ARHGAP35: variants seen among roughly 807,000 people sequenced by gnomAD.
ARHGAP35 encodes rho GTPase-activating protein 35.
A neutral mutation model predicts 111.1 loss-of-function variants in ARHGAP35; 15 were observed. That is an observed-to-expected ratio of 0.13 (90% CI 0.09 to 0.21). The LOEUF (loss-of-function observed/expected upper bound fraction) is 0.21. Ranked by LOEUF, ARHGAP35 falls within the 10% of genes least tolerant of loss-of-function variation. The pLI, the probability that ARHGAP35 is intolerant of heterozygous loss-of-function variation, is 1.00. For missense variants in ARHGAP35, 1,262 were observed against 1,873.0 expected (o/e 0.67, Z 6.02); for synonymous variants, 643 against 710.3 (o/e 0.91, Z 1.51).
At chr19:46,861,343 G>C (rs866200383) in intron 1 of ARHGAP35, among the ~76,000 whole-genome samples, 134 bp downstream of exon 1, 3,402 of 138,376 alleles carry the variant, frequency 0.025, 133 homozygotes, top group African/African-American at 0.084. Flanking sequence ...GGGAGGAGCG[G>C]CCCCCCCCCC....
chr19:46,909,966 T>C (rs923146685), intron 1 of ARHGAP35, among the ~76,000 whole-genome samples: 1 of 152,040 alleles, frequency 6.6e-6, no homozygotes, highest in Admixed American at 6.6e-5. Flanking sequence ...TATTTTAATT[T>C]GCATTGGACT....
chr19:46,901,155 A>G lies in ARHGAP35; in HGVS notation c.-188-17333A>G, dbSNP rs1438434471. On this transcript the variant is annotated intron_variant, in intron 1 of 6. Coordinates refer to ENST00000672722, the MANE Select transcript of ARHGAP35 (RefSeq NM_004491.5). The surrounding 1 kb of genome is among the most constrained non-coding windows in gnomAD (Gnocchi z 4.5). ...TGAATGATTGAATGGGCGAATGAGA[A>G]TAAATAAATGAGGGCATCCAGGGAA... 1.3e-5 allele frequency among the ~76,000 whole-genome samples: 2 copies of G among 152,248 alleles called. No individual in the cohort carries two copies. Among genetic ancestry groups the G allele is most frequent in the Admixed American group, 1.3e-4 (2 of 15,284 alleles).
At chr19:46,976,237 A>G (rs2056579226) in intron 3 of ARHGAP35, among the ~76,000 whole-genome samples, 1 of 108,940 alleles carries the variant, frequency 9.2e-6, no homozygotes, top group Non-Finnish European at 1.8e-5. Flanking sequence ...TTTTGCTACC[A>G]TTCCTCACCA....
chr19:46,998,186 A>G lies in ARHGAP35; in HGVS notation c.4037-1118A>G, dbSNP rs1034250198. Among the ~76,000 whole-genome samples, 5 of 152,104 alleles carry G rather than the reference A, an allele frequency of 3.3e-5. No homozygotes were observed. In the East Asian group the frequency reaches 9.6e-4, roughly 29 times the overall value. On this transcript the variant is annotated intron_variant, in intron 5 of 6. Transcript: ENST00000672722. Reference sequence around the variant, plus strand: ...CGGATTCATCAGCAGAATGGCACACATATGTCTCCGGCCGAGACGGTCTGG... The same window carrying G: ...CGGATTCATCAGCAGAATGGCACACGTATGTCTCCGGCCGAGACGGTCTGG...
chr19:46,887,953 C>CT lies in ARHGAP35; in HGVS notation c.-189+26758dup, dbSNP rs775973443. ...ATTGTGCTGGTACTTAGTACTTTGC[C>CT]TTTTTTTTTTTTTTCTGAGACGGAG... On this transcript the variant is annotated intron_variant, in intron 1 of 6. Transcript: ENST00000672722. 1.5e-3 allele frequency among the ~76,000 whole-genome samples: 202 copies of CT among 137,810 alleles called. 1 individual carries two copies. Among genetic ancestry groups the CT allele is most frequent in the African/African-American group, 2.9e-3 (111 of 37,946 alleles). 90.4% of individuals were successfully genotyped at this position (137,810 alleles called of 152,430 possible).
chr19:46,984,465 G>A (rs1436433642), intron 3 of ARHGAP35, among the ~76,000 whole-genome samples: 2 of 152,152 alleles, frequency 1.3e-5, no homozygotes, highest in Admixed American at 1.3e-4. Context: ...CCAGCGTCCT[G>A]TTTCTCACCT....
At position 46,920,253 on chromosome 19, in the gene ARHGAP35, G is replaced by A. The variant is rs1205339290; in HGVS notation, c.1578G>A (p.Glu526=). 2 of 1,613,988 alleles carry A rather than the reference G, an allele frequency of 1.2e-6. No homozygotes were observed. The highest frequency in any genetic ancestry group is 3.3e-4 in the Middle Eastern group (2 of 6,062). The part of the protein sequence containing the change: ...KMGVIQDVLG[E]EQRFKALQKL... ...GTGTTATTCAGGATGTTCTGGGAGAGGAACAGCGATTTAAAGCATTACAAA... is the reference window on the plus strand; with the variant it reads ...GTGTTATTCAGGATGTTCTGGGAGAAGAACAGCGATTTAAAGCATTACAAA... Residue 526 remains glutamate (E), a synonymous_variant, in exon 2 of 7, where the codon GAG becomes GAA. Coordinates refer to ENST00000672722, the MANE Select transcript of ARHGAP35 (RefSeq NM_004491.5). This position sits in a 1 kb window ranked among gnomAD's most constrained non-coding sequence, Gnocchi z 7.0.
intron 3 of ARHGAP35, among the ~76,000 whole-genome samples, chr19:46,938,893 G>A (rs1416372276): frequency 3.9e-5 from 6 of 152,092 alleles, no homozygotes; most frequent in Admixed American, 2.6e-4. Context: ...CTGACCTCGT[G>A]ATCCGCCCAC....
intron 1 of ARHGAP35, among the ~76,000 whole-genome samples, chr19:46,868,893 A>ATTTTTTTTTTTTTTTT (rs59080309): frequency 1.7e-5 from 1 of 58,668 alleles, no homozygotes; most frequent in Non-Finnish European, 3.0e-5. Flanking sequence ...GCTCACCGTG[A>ATTTTTTTTTTTTTTTT]TTTTTTTTTT....
intron 1 of ARHGAP35, among the ~76,000 whole-genome samples, chr19:46,871,213 CTTTG>C (rs966877541): frequency 6.6e-6 from 1 of 152,144 alleles, no homozygotes; most frequent in African/African-American, 2.4e-5. Context: ...TTATTTTGAT[CTTTG>C]TTTGCTGGAA....
intron 3 of ARHGAP35, among the ~76,000 whole-genome samples, chr19:46,940,398 C>T (rs943231760): frequency 7.3e-5 from 11 of 150,526 alleles, no homozygotes; most frequent in East Asian, 5.8e-4. Flanking sequence ...CATGGTGGCA[C>T]GCACCTGTAG....
rs2056202565 is a variant in ARHGAP35 at position 46,921,781 on chromosome 19, A to G, written c.3106A>G (p.Lys1036Glu). ...MSNFESKLNN[K>E]VPPPVKPKPP... ...CAATTTTGAGAGTAAACTGAACAAC[A>G]AAGTACCTCCGCCAGTCAAACCAAA... The change falls in exon 2 of 7, where the codon AAA becomes GAA. Residue 1036 changes from lysine to glutamate, a missense_variant. Transcript: ENST00000672722. The surrounding 1 kb of genome is among the most constrained non-coding windows in gnomAD (Gnocchi z 4.3). 6.2e-7 allele frequency: 1 copy of G among 1,614,018 alleles called. No homozygotes were observed. Among genetic ancestry groups the G allele is most frequent in the Non-Finnish European group, 8.5e-7 (1 of 1,179,896 alleles).
intron 1 of ARHGAP35, among the ~76,000 whole-genome samples, chr19:46,905,564 C>CA (rs1358454399): frequency 6.7e-6 from 1 of 148,258 alleles, no homozygotes; most frequent in South Asian, 2.2e-4. Context: ...CACCCCCCCC[C>CA]CCCAAGACAG....
chr19:46,870,965 C>G (rs1450513286), intron 1 of ARHGAP35, among the ~76,000 whole-genome samples: 1 of 152,104 alleles, frequency 6.6e-6, no homozygotes, highest in Non-Finnish European at 1.5e-5. Context: ...ATTCCCTTTT[C>G]TACATAGTTC....
chr19:46,862,200 G>T (rs1311710956), intron 1 of ARHGAP35, among the ~76,000 whole-genome samples: 9 of 151,964 alleles, frequency 5.9e-5, no homozygotes, highest in African/African-American at 2.2e-4. Flanking sequence ...CCGGGAAGCA[G>T]CCTCCTCCCC....
intron 1 of ARHGAP35, among the ~76,000 whole-genome samples, chr19:46,884,520 C>A (rs998730183): frequency 1.8e-5 from 2 of 111,846 alleles, no homozygotes; most frequent in African/African-American, 7.0e-5. Flanking sequence ...TTTTTTTCCC[C>A]TTTTGAGATA....
intron 3 of ARHGAP35, chr19:46,946,430 G>A (rs1405143398): frequency 6.6e-6 from 1 of 152,276 alleles, no homozygotes; most frequent in African/African-American, 2.4e-5. Context: ...AAAACCTTGA[G>A]AGGAGTCCTG....
chr19:46,892,525 C>T (rs1312912259), intron 1 of ARHGAP35, among the ~76,000 whole-genome samples: 4 of 149,840 alleles, frequency 2.7e-5, no homozygotes, highest in Non-Finnish European at 4.4e-5. Flanking sequence ...TATGGAGCCA[C>T]AGTTGGTACC....
At position 46,922,432 on chromosome 19, in the gene ARHGAP35, A is replaced by C; in HGVS notation, c.3681+76A>C. ...GAGGGTTGATTGATGATGATTTTTC[A>C]AGGACAACCTATTCTGGTAAAAAAA... On this transcript the variant is annotated intron_variant, in intron 2 of 6. Coordinates refer to ENST00000672722, the MANE Select transcript of ARHGAP35 (RefSeq NM_004491.5). The surrounding 1 kb of genome is among the most constrained non-coding windows in gnomAD (Gnocchi z 4.0). The C allele has an allele frequency of 7.3e-7, 1 of 1,363,490 alleles. No homozygotes were observed. Among genetic ancestry groups the C allele is most frequent in the African/African-American group, 1.5e-5 (1 of 68,142 alleles). 84.5% of individuals were successfully genotyped at this position (1,363,490 alleles called of 1,614,324 possible).
Sources: gnomAD v4.1 joint callset for allele counts (sites outside exome capture counted in the v4.1 genomes callset) on GRCh38, gnomAD v4.1.1 for gene constraint, Gnocchi (gnomAD v3.1) non-coding constraint, MANE v1.5 for transcripts, NCBI Gene and HGNC (gene_info 2026-07-23, HGNC 2026-07-21) for gene names.